The following ABCC3 variants were observed in gnomAD, a reference collection of about 807,000 sequenced individuals.
ABCC3 encodes the protein ATP-binding cassette sub-family C member 3.
Under a neutral mutation model 165.3 loss-of-function variants are expected in ABCC3, and 121 were observed. The observed-to-expected ratio is 0.73, with a 90% CI of 0.63 to 0.85. The LOEUF (loss-of-function observed/expected upper bound fraction) is 0.85, where lower values mean the gene tolerates loss of function less well. Among genes scored for constraint, ABCC3 ranks in the 40% least tolerant of loss-of-function variants. The probability of loss-of-function intolerance (pLI) is 0.00; values close to 1 mark genes in which losing one functional copy is unlikely to be tolerated. For synonymous variants in ABCC3, 733 were observed against 810.1 expected (o/e 0.90, Z 1.62); for missense variants, 1,869 against 1,964.1 (o/e 0.95, Z 0.92).
Position 50,668,465 on chromosome 17 carries a change from G to A in ABCC3, c.1818G>A (p.Leu606=), listed in dbSNP as rs536644457. The part of the protein sequence containing the change: ...SVSLKRIQQF[L]SQEELDPQSV... Reference sequence around the variant, plus strand: ...CTCTGAAACGGATCCAGCAATTCCTGAGCCAAGAGGAACTTGACCCCCAGA... The same window carrying A: ...CTCTGAAACGGATCCAGCAATTCCTAAGCCAAGAGGAACTTGACCCCCAGA... Residue 606 remains leucine (L), a synonymous_variant, in exon 14 of 31, where the codon CTG becomes CTA. Transcript: ENST00000285238. 6 of 1,613,968 alleles carry A rather than the reference G, an allele frequency of 3.7e-6. No homozygotes were observed. In the African/African-American group the frequency reaches 6.7e-5, roughly 18 times the overall value.
chr17:50,675,534 T>C (rs1967782699), intron 20 of ABCC3, 58 bp downstream of exon 20: 1 of 1,584,928 alleles, frequency 6.3e-7, no homozygotes, highest in Non-Finnish European at 8.6e-7. Context: ...CCCCAGGCCC[T>C]GCCAGATGGG....
chr17:50,671,345 G>T (rs1423626978), intron 17 of ABCC3, among the ~76,000 whole-genome samples: 1 of 151,592 alleles, frequency 6.6e-6, no homozygotes, highest in Non-Finnish European at 1.5e-5. Context: ...CTGTGCAACC[G>T]ATCTCCAGAA....
intron 6 of ABCC3, among the ~76,000 whole-genome samples, chr17:50,658,701 C>T (rs561240198): frequency 6.6e-6 from 1 of 152,356 alleles, no homozygotes; most frequent in Non-Finnish European, 1.5e-5. Flanking sequence ...AGTGCCGCCC[C>T]CAGGCTACAG....
intron 1 of ABCC3, among the ~76,000 whole-genome samples, chr17:50,651,137 A>G (rs1254379663): frequency 6.6e-6 from 1 of 151,940 alleles, no homozygotes; most frequent in South Asian, 2.1e-4. Context: ...GAAAGTAAGC[A>G]TTTGTGAATT....
rs1413229527 is a variant in ABCC3, at chr17:50,669,281, G to A, written c.2064+15G>A. On this transcript the variant is annotated intron_variant, in intron 16 of 30. Coordinates refer to ENST00000285238, the MANE Select transcript of ABCC3 (RefSeq NM_003786.4). ...TGCACATGAAGGTGAGAGAGGCAGG[G>A]GCTCCTGGGCAGGGTGTGGGGCTCA... 6.2e-7 allele frequency: 1 copy of A among 1,614,092 alleles called. No individual in the cohort carries two copies. Among genetic ancestry groups the A allele is most frequent in the South Asian group, 1.1e-5 (1 of 91,086 alleles).
At chr17:50,673,912 CTT>C (rs1567835415) in intron 19 of ABCC3, among the ~76,000 whole-genome samples, 1 of 12,010 alleles carries the variant, frequency 8.3e-5, no homozygotes, top group African/African-American at 4.5e-4. Context: ...TTCTTTCTTT[CTT>C]TCTTTCTTTC....
intron 1 of ABCC3, among the ~76,000 whole-genome samples, chr17:50,644,846 G>T (rs1187136572): frequency 6.6e-6 from 1 of 152,120 alleles, no homozygotes. Context: ...GTAAAACCCC[G>T]TCTCTACTAA....
At chr17:50,686,971 G>T (rs1186332383) in intron 29 of ABCC3, among the ~76,000 whole-genome samples, 1 of 152,136 alleles carries the variant, frequency 6.6e-6, no homozygotes, top group Non-Finnish European at 1.5e-5. Flanking sequence ...GGAGGCTGAA[G>T]GCGTGTGTCC....
chr17:50,686,585 G>T (rs1299306055), intron 29 of ABCC3, among the ~76,000 whole-genome samples: 1 of 152,018 alleles, frequency 6.6e-6, no homozygotes, highest in Non-Finnish European at 1.5e-5. Context: ...ACTGTCTCTT[G>T]CTTGATCCAT....
intron 26 of ABCC3, among the ~76,000 whole-genome samples, chr17:50,683,358 A>G (rs1967958914): frequency 6.6e-6 from 1 of 151,492 alleles, no homozygotes; most frequent in South Asian, 2.1e-4. Flanking sequence ...ATTAAAAAAA[A>G]AAAAAAAAAG....
Position 50,669,375 on chromosome 17 carries a change from G to A in ABCC3, c.2088G>A (p.Gln696=). ...HMKGSVAYVP[Q]QAWIQNCTLQ... is the part of the protein sequence containing the mutation. ...AGGGCTCCGTGGCCTATGTGCCCCA[G>A]CAGGCATGGATCCAGAACTGCACTC... The change falls in exon 17 of 31, where the codon CAG becomes CAA. Residue 696 remains glutamine, a synonymous_variant. Coordinates refer to ENST00000285238, the MANE Select transcript of ABCC3 (RefSeq NM_003786.4). The A allele has an allele frequency of 1.9e-6, 3 of 1,614,244 alleles. No homozygotes were observed. Among genetic ancestry groups the A allele is most frequent in the Middle Eastern group, 3.3e-4 (2 of 6,062 alleles).
chr17:50,666,881 A>G (rs1198064944), intron 11 of ABCC3, among the ~76,000 whole-genome samples: 1 of 152,232 alleles, frequency 6.6e-6, no homozygotes, highest in Non-Finnish European at 1.5e-5. Flanking sequence ...ATATATGTAA[A>G]GGAATGGTTA....
At position 50,671,702 on chromosome 17, in the gene ABCC3, C is replaced by CTTTTTTTT. The variant is rs386386244; in HGVS notation, c.2242-1246_2242-1239dup. 3.6e-3 allele frequency among the ~76,000 whole-genome samples: 203 copies of CTTTTTTTT among 56,392 alleles called. 22 individuals carry two copies. Among genetic ancestry groups the CTTTTTTTT allele is most frequent in the Non-Finnish European group, 5.2e-3 (147 of 28,278 alleles). 37.0% of individuals were successfully genotyped at this position (56,392 alleles called of 152,430 possible). The stretch of plus-strand genomic sequence containing the variant: ...AGCTCAGGTCTCTCTTCCTTCCTTC[C>CTTTTTTTT]TTTTTTTTTTTTTTTTTTTTTTTTT... On this transcript the variant is annotated intron_variant, in intron 17 of 30. Coordinates refer to ENST00000285238, the MANE Select transcript of ABCC3 (RefSeq NM_003786.4).
In ABCC3 at chr17:50,692,127, A is replaced by C. The variant is rs1968134353; in HGVS notation, c.*927A>C. ...GTCATTCATTTTCCTCAGTCTAGCC[A>C]AAGCTGAATGTGTGAGCACAAAGAA... On this transcript the variant is annotated 3_prime_UTR_variant, in exon 31 of 31. Transcript: ENST00000285238. 6.6e-6 allele frequency: 1 copy of C among 152,294 alleles called. No homozygotes were observed. Among genetic ancestry groups the C allele is most frequent in the African/African-American group, 2.4e-5 (1 of 41,464 alleles). 9.4% of individuals were successfully genotyped at this position (152,294 alleles called of 1,614,324 possible).
rs1967815757 is a variant in ABCC3, at chr17:50,676,540, C to T, written c.3330C>T (p.Leu1110=). The change falls in exon 23 of 31, where the codon CTC becomes CTT. Residue 1110 remains leucine (L), a synonymous_variant. Coordinates refer to ENST00000285238, the MANE Select transcript of ABCC3 (RefSeq NM_003786.4). ...TGGTCATCATGGCCAGCACGCCGCT[C>T]TTCACTGTGGTCATCCTGCCCCTGG... is the stretch of plus-strand genomic sequence containing the variant. ...TLVVIMASTP[L]FTVVILPLAV... The T allele has an allele frequency of 6.2e-7, 1 of 1,613,840 alleles. No individual in the cohort carries two copies. The highest frequency in any genetic ancestry group is 1.3e-5 in the African/African-American group (1 of 74,890).
intron 17 of ABCC3, among the ~76,000 whole-genome samples, chr17:50,671,702 C>CTTTTTTT (rs386386244): frequency 0.016 from 911 of 56,386 alleles, 174 homozygotes; most frequent in Non-Finnish European, 0.023. Context: ...TCCTTCCTTC[C>CTTTTTTT]TTTTTTTTTT....
At chr17:50,664,260 G>A in intron 10 of ABCC3, 149 bp downstream of exon 10, 3 of 1,112,314 alleles carry the variant, frequency 2.7e-6, no homozygotes, top group Non-Finnish European at 3.8e-6. Flanking sequence ...GAGCCCAAGA[G>A]TTCTGGCTGC....
rs747678686 is a variant in ABCC3 at position 50,667,964 on chromosome 17, A to G, written c.1737A>G (p.Arg579=). ...CTGTGTCCTTGTTTAATATCTTAAGACTTCCCCTCAACATGCTGCCCCAGT... is the reference window on the plus strand; with the variant it reads ...CTGTGTCCTTGTTTAATATCTTAAGGCTTCCCCTCAACATGCTGCCCCAGT... ...FVSVSLFNIL[R]LPLNMLPQLI... Residue 579 remains arginine, a synonymous_variant, in exon 13 of 31, where the codon AGA becomes AGG. Transcript: ENST00000285238. The G allele has an allele frequency of 6.2e-7, 1 of 1,613,926 alleles. No individual in the cohort carries two copies. The highest frequency in any genetic ancestry group is 8.5e-7 in the Non-Finnish European group (1 of 1,180,004).
intron 30 of ABCC3, among the ~76,000 whole-genome samples, chr17:50,689,539 C>G (rs757420944): frequency 1.3e-5 from 2 of 152,258 alleles, no homozygotes; most frequent in Non-Finnish European, 2.9e-5. Context: ...AATACCCCAA[C>G]AGGCCTTCAC....
Sources: gnomAD v4.1 joint callset for allele counts (sites outside exome capture counted in the v4.1 genomes callset) on GRCh38, gnomAD v4.1.1 for gene constraint, MANE v1.5 for transcripts, NCBI Gene and HGNC (gene_info 2026-07-23, HGNC 2026-07-21) for gene names.